The following ATRNL1 variants were observed in gnomAD, a reference collection of about 807,000 sequenced individuals.
The protein encoded by ATRNL1 is attractin like 1.
Under a neutral mutation model 182.7 loss-of-function variants are expected in ATRNL1, and 95 were observed. The observed-to-expected ratio is 0.52, with a 90% CI of 0.44 to 0.62. The LOEUF is 0.62. Among genes scored for constraint, ATRNL1 ranks in the 20% least tolerant of loss-of-function variants. The pLI, the probability that ATRNL1 is intolerant of heterozygous loss-of-function variation, is 0.00. For synonymous variants in ATRNL1, 576 were observed against 568.3 expected (o/e 1.01, Z -0.19); for missense variants, 1,471 against 1,679.5 (o/e 0.88, Z 2.17).
intron 27 of ATRNL1, among the ~76,000 whole-genome samples, chr10:115,810,818 T>G (rs1950030331): frequency 6.6e-6 from 1 of 151,846 alleles, no homozygotes; most frequent in African/African-American, 2.4e-5. Flanking sequence ...CTTATTATTT[T>G]TTAAAATGTC....
At chr10:115,282,912 G>A (rs1852436563) in intron 14 of ATRNL1, among the ~76,000 whole-genome samples, 1 of 151,694 alleles carries the variant, frequency 6.6e-6, no homozygotes, top group Non-Finnish European at 1.5e-5. Flanking sequence ...GTGGTTTGCT[G>A]CACCCATCAA....
chr10:115,944,299 A>G lies in ATRNL1; in HGVS notation c.4019-359A>G, dbSNP rs1953819254. Among the ~76,000 whole-genome samples the G allele has an allele frequency of 4.7e-5, 7 of 150,320 alleles. No homozygotes were observed. In the South Asian group the frequency reaches 1.5e-3, roughly 32 times the overall value. On this transcript the variant is annotated intron_variant, in intron 28 of 28. Transcript: ENST00000355044. The stretch of plus-strand genomic sequence containing the variant: ...AGTTTTGTTCCTAAAAAAAAAAAAA[A>G]AAAATAGTAACATTTAAAATTTCTA...
chr10:115,252,632 G>C (rs1554905630), intron 10 of ATRNL1, among the ~76,000 whole-genome samples: 1 of 152,174 alleles, frequency 6.6e-6, no homozygotes, highest in Non-Finnish European at 1.5e-5. Context: ...ATCAACTTCT[G>C]ATATTCCCAT....
At chr10:115,143,587 G>A (rs535176893) in intron 5 of ATRNL1, among the ~76,000 whole-genome samples, 1 of 152,186 alleles carries the variant, frequency 6.6e-6, no homozygotes, top group East Asian at 1.9e-4. Context: ...CCAATACCAG[G>A]GTGCTATCAT....
chr10:115,937,551 C>T (rs894789613), intron 28 of ATRNL1, among the ~76,000 whole-genome samples: 41 of 152,158 alleles, frequency 2.7e-4, no homozygotes, highest in Non-Finnish European at 1.2e-4. Flanking sequence ...TGCATCGAGC[C>T]TTAGTTGCAT....
chr10:115,830,146 G>T (rs1950527467), intron 27 of ATRNL1, among the ~76,000 whole-genome samples: 1 of 152,172 alleles, frequency 6.6e-6, no homozygotes, highest in Non-Finnish European at 1.5e-5. Context: ...ATAATATTTG[G>T]TTTGTGGATA....
At chr10:115,620,067 G>T (rs970400695) in intron 26 of ATRNL1, among the ~76,000 whole-genome samples, 3 of 152,160 alleles carry the variant, frequency 2.0e-5, no homozygotes, top group Non-Finnish European at 2.9e-5. Context: ...AATAAAAGAG[G>T]TTTATTTTGC....
chr10:115,521,312 C>T, intron 25 of ATRNL1, among the ~76,000 whole-genome samples: 1 of 152,048 alleles, frequency 6.6e-6, no homozygotes, highest in East Asian at 1.9e-4. Context: ...GCCACCACGC[C>T]CAGCTAATTT....
chr10:115,752,560 T>A (rs1555070878), intron 27 of ATRNL1, among the ~76,000 whole-genome samples: 4 of 151,992 alleles, frequency 2.6e-5, no homozygotes. Flanking sequence ...AGATCAGTGT[T>A]GACCATGGCA....
chr10:115,203,024 G>A, intron 8 of ATRNL1, among the ~76,000 whole-genome samples: 1 of 152,044 alleles, frequency 6.6e-6, no homozygotes, highest in Non-Finnish European at 1.5e-5. Flanking sequence ...TTGCGTAAAG[G>A]TGTTTGTAGT....
chr10:115,479,214 G>T (rs1267670410), intron 24 of ATRNL1, among the ~76,000 whole-genome samples: 1 of 151,470 alleles, frequency 6.6e-6, no homozygotes, highest in Non-Finnish European at 1.5e-5. Context: ...CTAATTAGAA[G>T]TTTTTTCTTT....
intron 27 of ATRNL1, among the ~76,000 whole-genome samples, chr10:115,746,098 G>A (rs1359281388): frequency 6.6e-6 from 1 of 151,988 alleles, no homozygotes; most frequent in Non-Finnish European, 1.5e-5. Flanking sequence ...CATAGAAATA[G>A]AGAGATAAGT....
chr10:115,880,096 T>A (rs1252008283), intron 28 of ATRNL1, among the ~76,000 whole-genome samples: 1 of 152,216 alleles, frequency 6.6e-6, no homozygotes, highest in African/African-American at 2.4e-5. Flanking sequence ...CTGAAATTAT[T>A]TCCCAGGATA....
chr10:115,578,939 A>G (rs977745466), intron 26 of ATRNL1, among the ~76,000 whole-genome samples: 4 of 151,552 alleles, frequency 2.6e-5, no homozygotes, highest in Admixed American at 6.6e-5. Flanking sequence ...TTCTCTCAAG[A>G]TAGTTTTTGA....
At chr10:115,428,455 A>T (rs11197208) in intron 21 of ATRNL1, among the ~76,000 whole-genome samples, 47,693 of 151,826 alleles carry the variant, frequency 0.31, 8,672 homozygotes, top group Middle Eastern at 0.45. Context: ...TGAAAGTATT[A>T]TTGTCTTGTT....
At chr10:115,713,229 G>A (rs1555055094) in intron 26 of ATRNL1, among the ~76,000 whole-genome samples, 1 of 152,058 alleles carries the variant, frequency 6.6e-6, no homozygotes, top group African/African-American at 2.4e-5. Flanking sequence ...TCATCCATAG[G>A]TCCTATCTTA....
chr10:115,363,299 G>C (rs1391927904), intron 19 of ATRNL1, among the ~76,000 whole-genome samples: 4 of 151,872 alleles, frequency 2.6e-5, no homozygotes, highest in African/African-American at 9.7e-5. Context: ...TGTGTCTTTT[G>C]GCTGCATAAA....
intron 21 of ATRNL1, among the ~76,000 whole-genome samples, chr10:115,440,577 C>T (rs782634197): frequency 6.6e-6 from 1 of 151,856 alleles, no homozygotes; most frequent in Non-Finnish European, 1.5e-5. Flanking sequence ...TCACCCTTTC[C>T]TAGTGCCCTG....
At chr10:115,593,517 A>G (rs1856040147) in intron 26 of ATRNL1, among the ~76,000 whole-genome samples, 1 of 152,186 alleles carries the variant, frequency 6.6e-6, no homozygotes, top group South Asian at 2.1e-4. Context: ...TCACTAGTTG[A>G]TGCTGAGAAA....
Sources: gnomAD v4.1 joint callset for allele counts (sites outside exome capture counted in the v4.1 genomes callset) on GRCh38, gnomAD v4.1.1 for gene constraint, MANE v1.5 for transcripts, NCBI Gene and HGNC (gene_info 2026-07-23, HGNC 2026-07-21) for gene names.